Variants in FMNL1 observed in about 807,000 individuals in gnomAD.
The protein encoded by FMNL1 is formin like 1.
In FMNL1, 43 loss-of-function variants were observed where a neutral mutation model predicts 121.3. The ratio of observed to expected loss-of-function variants is 0.35; its 90% CI spans 0.28 to 0.46. The LOEUF (loss-of-function observed/expected upper bound fraction) is 0.46. Ranked by LOEUF, FMNL1 falls within the 20% of genes least tolerant of loss-of-function variation. The probability of loss-of-function intolerance (pLI) is 1.00; values close to 1 mark genes in which losing one functional copy is unlikely to be tolerated. For missense variants in FMNL1, 1,191 were observed against 1,482.4 expected (o/e 0.80, Z 3.23); for synonymous variants, 613 against 613.5 (o/e 1.00, Z 0.01).
rs913573709 is a variant in FMNL1, at chr17:45,233,414, C to T, written c.401+117C>T. The stretch of plus-strand genomic sequence containing the variant: ...CCTGCACAAGGCTGTGCTTGTGGAC[C>T]ACCTCCTGGAGGTGTCCAGGACAGC... On this transcript the variant is annotated intron_variant, in intron 4 of 26. Transcript: ENST00000331495. The surrounding 1 kb of genome is among the most constrained non-coding windows in gnomAD (Gnocchi z 4.1). 3.2e-5 allele frequency: 37 copies of T among 1,165,360 alleles called. No individual in the cohort carries two copies. Among genetic ancestry groups the T allele is most frequent in the Non-Finnish European group, 4.8e-6 (4 of 831,290 alleles). 72.2% of individuals were successfully genotyped at this position (1,165,360 alleles called of 1,614,324 possible).
intron 1 of FMNL1, among the ~76,000 whole-genome samples, chr17:45,222,930 T>C (rs922831553): frequency 2.0e-5 from 3 of 152,144 alleles, no homozygotes; most frequent in Non-Finnish European, 4.4e-5. Context: ...CCTCTGTGCC[T>C]ACCTGGGGAA....
intron 1 of FMNL1, among the ~76,000 whole-genome samples, chr17:45,227,437 G>A (rs909325145): frequency 6.6e-6 from 1 of 152,124 alleles, no homozygotes; most frequent in East Asian, 1.9e-4. Flanking sequence ...CAGGGAGGGA[G>A]GAGAATGGTC....
intron 25 of FMNL1, 58 bp downstream of exon 25, chr17:45,246,388 T>A (rs746923418): frequency 3.1e-5 from 50 of 1,613,918 alleles, no homozygotes; most frequent in Middle Eastern, 3.3e-4. Flanking sequence ...TGCTTTCTTC[T>A]GACCCAATGC....
chr17:45,244,480 C>G (rs978684400), intron 19 of FMNL1, among the ~76,000 whole-genome samples: 2 of 152,330 alleles, frequency 1.3e-5, no homozygotes, highest in Non-Finnish European at 2.9e-5. Context: ...GCTCTGTGAG[C>G]AACCTCACCT....
intron 6 of FMNL1, chr17:45,234,627 G>A: frequency 5.8e-6 from 1 of 173,466 alleles, no homozygotes; most frequent in South Asian, 8.1e-5. Context: ...TCGCACCACT[G>A]CACTGCAGCC....
rs1165864513 is a variant in FMNL1, at chr17:45,240,616, A to T, written c.1221A>T (p.Gln407His). 6.2e-7 allele frequency: 1 copy of T among 1,613,288 alleles called. No homozygotes were observed. The highest frequency in any genetic ancestry group is 8.5e-7 in the Non-Finnish European group (1 of 1,179,808). The change falls in exon 12 of 27, where the codon CAA (glutamine) becomes CAT (histidine). Residue 407 changes from glutamine (Q) to histidine (H), a missense_variant. Around this residue, in one of 4 missense-constraint regions of FMNL1, gnomAD observed 519 missense variants for 492.8 expected, o/e 1.05. Coordinates refer to ENST00000331495, the MANE Select transcript of FMNL1 (RefSeq NM_005892.4). ...VLEHMEELQEQVALLTERLRD... is the reference protein window; with the variant it reads ...VLEHMEELQEHVALLTERLRD... ...AGCACATGGAGGAACTGCAGGAGCA[A>T]GTGGCGCTGGTGAGAGTGGGTCCTG...
At position 45,241,349 on chromosome 17, in the gene FMNL1, G is replaced by A; in HGVS notation, c.1333-33G>A. On this transcript the variant is annotated intron_variant, in intron 13 of 26. Transcript: ENST00000331495. The surrounding 1 kb of genome is among the most constrained non-coding windows in gnomAD (Gnocchi z 7.0). ...GAGGCTTGGTGCCAAGGAGCCTGCT[G>A]GTGGGCACTGACCCCTCCCGTGGGG... 6.3e-7 allele frequency: 1 copy of A among 1,583,226 alleles called. No individual in the cohort carries two copies. Among genetic ancestry groups the A allele is most frequent in the Non-Finnish European group, 8.6e-7 (1 of 1,164,582 alleles).
chr17:45,233,588 G>A lies in FMNL1; in HGVS notation c.402-60G>A. Reference sequence around the variant, plus strand: ...CAGGGGTCCTTGCTGTCCCTGTTCTGTGCCCATGTGGGGCAGGACCTCCTT... The same window carrying A: ...CAGGGGTCCTTGCTGTCCCTGTTCTATGCCCATGTGGGGCAGGACCTCCTT... On this transcript the variant is annotated intron_variant, in intron 4 of 26. Coordinates refer to ENST00000331495, the MANE Select transcript of FMNL1 (RefSeq NM_005892.4). The surrounding 1 kb of genome is among the most constrained non-coding windows in gnomAD (Gnocchi z 4.1). The A allele has an allele frequency of 1.3e-6, 2 of 1,593,026 alleles. No homozygotes were observed. Among genetic ancestry groups the A allele is most frequent in the South Asian group, 1.1e-5 (1 of 90,472 alleles).
In FMNL1 at chr17:45,241,815, G is replaced by A. The variant is rs957429513; in HGVS notation, c.1586-32G>A. 5 of 1,409,112 alleles carry A rather than the reference G, an allele frequency of 3.5e-6. No homozygotes were observed. In the African/African-American group the frequency reaches 6.0e-5, roughly 17 times the overall value. The allele number at this position is 1,409,112 out of a possible 1,614,324, so 87.3% of individuals were successfully genotyped here. A position where few individuals can be genotyped will look rare whatever the true frequency, so the allele number is the denominator to read the frequency against. ...CACCCAAGTCAAGGAGCTGACTCGC[G>A]CCTCCCCCACGCCGCGCCCTCGCTG... On this transcript the variant is annotated intron_variant, in intron 14 of 26. Coordinates refer to ENST00000331495, the MANE Select transcript of FMNL1 (RefSeq NM_005892.4). The surrounding 1 kb of genome is among the most constrained non-coding windows in gnomAD (Gnocchi z 7.0).
In FMNL1 at chr17:45,241,007, T is replaced by C; in HGVS notation, c.1231-122T>C. On this transcript the variant is annotated intron_variant, in intron 12 of 26. Coordinates refer to ENST00000331495, the MANE Select transcript of FMNL1 (RefSeq NM_005892.4). The surrounding 1 kb of genome is among the most constrained non-coding windows in gnomAD (Gnocchi z 7.0). ...CCAGGCTCGGCCCACCCTTGGCACC[T>C]GGGCTGAGCGGATCTGGGAGCCTCC... 3.1e-6 allele frequency: 4 copies of C among 1,278,452 alleles called. No individual in the cohort carries two copies. The highest frequency in any genetic ancestry group is 3.3e-6 in the Non-Finnish European group (3 of 905,362). The allele number at this position is 1,278,452 out of a possible 1,614,324, so 79.2% of individuals were successfully genotyped here.
rs2043484806 is a variant in FMNL1, at chr17:45,233,537, G to A, written c.402-111G>A. The A allele has an allele frequency of 8.0e-7, 1 of 1,245,754 alleles. No individual in the cohort carries two copies. Among genetic ancestry groups the A allele is most frequent in the Non-Finnish European group, 1.1e-6 (1 of 876,248 alleles). The allele number at this position is 1,245,754 out of a possible 1,614,324, so 77.2% of individuals were successfully genotyped here. On this transcript the variant is annotated intron_variant, in intron 4 of 26. Transcript: ENST00000331495. The surrounding 1 kb of genome is among the most constrained non-coding windows in gnomAD (Gnocchi z 4.1). ...CTCCCAGAATCCTTTGGTATCATTG[G>A]GTCTTTGGGGGTTGAAAGGGCACCC...
chr17:45,241,617 C>T lies in FMNL1; in HGVS notation c.1568C>T (p.Thr523Ile), dbSNP rs183400333. ...GGDAPTPGVPTGSPSPDLAPA... is the reference protein window; with the variant it reads ...GGDAPTPGVPIGSPSPDLAPA... ...GATGCTCCGACTCCGGGGGTGCCGACCGGCTCCCCCAGCCCAGGTGCGCAG... is the reference window on the plus strand; with the variant it reads ...GATGCTCCGACTCCGGGGGTGCCGATCGGCTCCCCCAGCCCAGGTGCGCAG... Residue 523 changes from threonine (T) to isoleucine (I), a missense_variant, in exon 14 of 27, where the codon ACC becomes ATC. Physicochemically the swap from Thr to Ile is moderately conservative, Grantham distance 89. Around this residue, in one of 4 missense-constraint regions of FMNL1, gnomAD observed 519 missense variants for 492.8 expected, o/e 1.05. Coordinates refer to ENST00000331495, the MANE Select transcript of FMNL1 (RefSeq NM_005892.4). This position sits in a 1 kb window ranked among gnomAD's most constrained non-coding sequence, Gnocchi z 7.0. 319 of 1,519,114 alleles carry T rather than the reference C, an allele frequency of 2.1e-4. 1 individual carries two copies. The Middle Eastern group carries it at 3.9e-3, about 19-fold the overall frequency. 94.1% of individuals were successfully genotyped at this position (1,519,114 alleles called of 1,614,324 possible).
At chr17:45,225,133 A>G (rs551508564) in intron 1 of FMNL1, among the ~76,000 whole-genome samples, 77 of 152,340 alleles carry the variant, frequency 5.1e-4, no homozygotes, top group African/African-American at 1.8e-3. Context: ...ACGTGAGGCC[A>G]AAAGCCATGC....
In FMNL1 at chr17:45,245,970, C is replaced by T; in HGVS notation, c.3087C>T (p.Pro1029=). The T allele has an allele frequency of 6.4e-7, 1 of 1,554,672 alleles. No homozygotes were observed. The part of the protein sequence containing the change: ...DTPGKGEPPA[P]KSPPKARRPQ... ...CGGGCAAAGGGGAGCCCCCAGCACC[C>T]AAGGTAGGCAACTGCTCCTGGGCTT... The change falls in exon 24 of 27, where the codon CCC becomes CCT. Residue 1029 remains proline, a synonymous_variant. Coordinates refer to ENST00000331495, the MANE Select transcript of FMNL1 (RefSeq NM_005892.4).
In FMNL1 at chr17:45,241,092, G is replaced by C; in HGVS notation, c.1231-37G>C. 6.2e-7 allele frequency: 1 copy of C among 1,611,646 alleles called. No individual in the cohort carries two copies. The highest frequency in any genetic ancestry group is 1.1e-5 in the South Asian group (1 of 90,990). ...CCCTCACCGGCGGTGCCAGTGCCGG[G>C]CTGCGGGTCGGGGCTCACCATGTGC... On this transcript the variant is annotated intron_variant, in intron 12 of 26. Coordinates refer to ENST00000331495, the MANE Select transcript of FMNL1 (RefSeq NM_005892.4). The surrounding 1 kb of genome is among the most constrained non-coding windows in gnomAD (Gnocchi z 7.0).
intron 10 of FMNL1, 105 bp downstream of exon 10, chr17:45,238,743 CG>C: frequency 1.4e-6 from 2 of 1,420,854 alleles, no homozygotes; most frequent in South Asian, 1.2e-5. Context: ...CCCCGCAAAG[CG>C]TAAGGACTGA....
At chr17:45,240,736 A>G in intron 12 of FMNL1, 111 bp downstream of exon 12, 1 of 1,418,524 alleles carries the variant, frequency 7.0e-7, no homozygotes, top group Non-Finnish European at 9.4e-7. Flanking sequence ...ATAATTGTGC[A>G]TTGGAGGTGC....
At chr17:45,239,179 GC>G (rs2043624077) in intron 11 of FMNL1, 114 bp downstream of exon 11, 3 of 786,712 alleles carry the variant, frequency 3.8e-6, no homozygotes, top group Non-Finnish European at 6.6e-6. Flanking sequence ...TCCTGGCTCT[GC>G]CGTTGCCTGC....
intron 1 of FMNL1, among the ~76,000 whole-genome samples, chr17:45,224,556 T>C (rs1325952092): frequency 6.6e-6 from 1 of 152,208 alleles, no homozygotes; most frequent in Non-Finnish European, 1.5e-5. Flanking sequence ...AACCTCTTCC[T>C]TCCCCTTTTG....
Sources: allele counts gnomAD v4.1 joint callset (sites outside exome capture counted in the v4.1 genomes callset), GRCh38; gene constraint gnomAD v4.1.1; regional missense constraint gnomAD v4.1.1; non-coding constraint Gnocchi (gnomAD v3.1); transcripts MANE v1.5; gene names NCBI Gene and HGNC (gene_info 2026-07-23, HGNC 2026-07-21).